CPVL: variants seen among roughly 807,000 people sequenced by gnomAD.
The protein encoded by CPVL is carboxypeptidase vitellogenic like, also known as probable serine carboxypeptidase CPVL.
In CPVL, 51 loss-of-function variants were observed where a neutral mutation model predicts 63.7. That is an observed-to-expected ratio of 0.80 (90% CI 0.64 to 1.01). The LOEUF is 1.01. CPVL is among the 50% of genes least tolerant of loss of function. The pLI is 0.00. For missense variants in CPVL, 530 were observed against 573.1 expected (o/e 0.92, Z 0.77); for synonymous variants, 195 against 206.0 (o/e 0.95, Z 0.46).
At chr7:29,089,098 C>T (rs1159930251) in intron 6 of CPVL, among the ~76,000 whole-genome samples, 2 of 152,194 alleles carry the variant, frequency 1.3e-5, no homozygotes, top group African/African-American at 4.8e-5. Context: ...GGCCACCTTG[C>T]TGGCATTGTG....
At chr7:29,071,272 G>T (rs1562753503) in intron 9 of CPVL, among the ~76,000 whole-genome samples, 1 of 152,200 alleles carries the variant, frequency 6.6e-6, no homozygotes, top group Non-Finnish European at 1.5e-5. Context: ...ATGGCCCTTT[G>T]TAAGAGTTTC....
At chr7:29,086,087 T>C (rs1018559358) in intron 7 of CPVL, among the ~76,000 whole-genome samples, 1 of 151,358 alleles carries the variant, frequency 6.6e-6, no homozygotes, top group African/African-American at 2.4e-5. Flanking sequence ...AGGTCAGGAG[T>C]TCAAGACCAG....
intron 12 of CPVL, among the ~76,000 whole-genome samples, chr7:29,006,778 A>G (rs1404373226): frequency 6.6e-6 from 1 of 152,224 alleles, no homozygotes; most frequent in Non-Finnish European, 1.5e-5. Flanking sequence ...AACAAGGTAC[A>G]TAGTTTTTAC....
At chr7:29,167,265 AC>A (rs1796038173) in intron 5 of CPVL, among the ~76,000 whole-genome samples, 1 of 152,236 alleles carries the variant, frequency 6.6e-6, no homozygotes, top group South Asian at 2.1e-4. Context: ...TTTGTCAAAT[AC>A]AATAATTCTA....
In CPVL at chr7:29,043,514, T is replaced by C. The variant is rs528904542; in HGVS notation, c.1138-12755A>G. Among the ~76,000 whole-genome samples the C allele has an allele frequency of 5.3e-5, 8 of 152,148 alleles. 1 individual carries two copies. Among genetic ancestry groups the C allele is most frequent in the Admixed American group, 5.2e-4 (8 of 15,282 alleles). Reference sequence around the variant, plus strand: ...AATGTGCAAATCACTGTAACAAATATGGGGACTGTCAGGAGGCTGAAGAAA... The same window carrying C: ...AATGTGCAAATCACTGTAACAAATACGGGGACTGTCAGGAGGCTGAAGAAA... On this transcript the variant is annotated intron_variant, in intron 11 of 12. Transcript: ENST00000265394.
At chr7:29,077,463 G>C (rs1254642092) in intron 7 of CPVL, among the ~76,000 whole-genome samples, 1 of 152,148 alleles carries the variant, frequency 6.6e-6, no homozygotes, top group Non-Finnish European at 1.5e-5. Flanking sequence ...ACAGGCCTTA[G>C]TTCCTACCCT....
chr7:28,997,303 G>A (rs1370484876), intron 12 of CPVL, among the ~76,000 whole-genome samples: 1 of 152,188 alleles, frequency 6.6e-6, no homozygotes, highest in East Asian at 1.9e-4. Flanking sequence ...TCTAGCTGCA[G>A]AATCACGATC....
upstream of CPVL, chr7:29,146,868 G>A: frequency 1.9e-6 from 3 of 1,551,172 alleles, no homozygotes; most frequent in South Asian, 1.2e-5. Context: ...GCAAGCCCAG[G>A]ATTTACATTT....
chr7:29,020,026 T>G (rs1786802853), intron 12 of CPVL, among the ~76,000 whole-genome samples: 1 of 152,164 alleles, frequency 6.6e-6, no homozygotes, highest in Non-Finnish European at 1.5e-5. Context: ...GCGGGTTGAG[T>G]GTGATATTTG....
rs4719967 is a variant in CPVL at position 29,176,915 on chromosome 7, A to T, written c.-11+4375T>A. Among the ~76,000 whole-genome samples the T allele has an allele frequency of 2.2e-3, 338 of 152,326 alleles. 7 individuals carry two copies. Among genetic ancestry groups the T allele is most frequent in the Admixed American group, 0.02 (312 of 15,300 alleles). ...AGGCTTCGTTAGCTTATATGTTAAA[A>T]TGCCTAGGTTAACTTCTAAATGAAT... On this transcript the variant is annotated intron_variant, in intron 5 of 16. Transcript: ENST00000409850.
At chr7:29,089,724 G>A (rs1311241268) in intron 6 of CPVL, among the ~76,000 whole-genome samples, 1 of 152,188 alleles carries the variant, frequency 6.6e-6, no homozygotes, top group Admixed American at 6.5e-5. Context: ...AATTAAAAGT[G>A]GGTTTAAATA....
chr7:29,066,394 G>C (rs940181566), intron 9 of CPVL, among the ~76,000 whole-genome samples: 3 of 152,188 alleles, frequency 2.0e-5, no homozygotes, highest in Non-Finnish European at 4.4e-5. Context: ...TCATATGGTA[G>C]ACAGTGATAA....
At chr7:29,144,359 G>A (rs540969955) in intron 1 of CPVL, among the ~76,000 whole-genome samples, 10 of 152,176 alleles carry the variant, frequency 6.6e-5, no homozygotes, top group East Asian at 5.8e-4. Flanking sequence ...TCAGGAGTTC[G>A]AGACCAGCCT....
At chr7:29,121,957 G>C (rs2192507) in intron 1 of CPVL, among the ~76,000 whole-genome samples, 12,003 of 152,162 alleles carry the variant, frequency 0.079, 961 homozygotes, top group African/African-American at 0.21. Flanking sequence ...CAAACCATTA[G>C]CACAAAGCTT....
intron 11 of CPVL, among the ~76,000 whole-genome samples, chr7:29,055,890 G>A (rs559852487): frequency 3.5e-4 from 54 of 152,210 alleles, no homozygotes; most frequent in African/African-American, 1.2e-3. Flanking sequence ...TATTTTAGTT[G>A]TATTTTCCTT....
intron 11 of CPVL, among the ~76,000 whole-genome samples, chr7:29,033,150 A>C (rs562641026): frequency 6.6e-6 from 1 of 152,238 alleles, no homozygotes; most frequent in Non-Finnish European, 1.5e-5. Context: ...GCAACAAAAA[A>C]GAAATCAGAA....
At chr7:29,108,649 G>GC (rs1376665360) in intron 3 of CPVL, among the ~76,000 whole-genome samples, 2 of 152,158 alleles carry the variant, frequency 1.3e-5, no homozygotes, top group Non-Finnish European at 1.5e-5. Context: ...AATGACAATA[G>GC]CAACTATAGT....
chr7:29,096,596 T>A (rs73302186), intron 3 of CPVL: 3,256 of 220,044 alleles, frequency 0.015, 127 homozygotes, highest in African/African-American at 0.074. Flanking sequence ...TTAACACACA[T>A]ATTCCCAACA....
chr7:29,129,470 C>T (rs1238493762), intron 1 of CPVL, among the ~76,000 whole-genome samples: 2 of 124,804 alleles, frequency 1.6e-5, no homozygotes, highest in African/African-American at 3.2e-5. Flanking sequence ...GTGGTTTTTG[C>T]CATTACTTTT....
Sources: gnomAD v4.1 joint callset for allele counts (sites outside exome capture counted in the v4.1 genomes callset) on GRCh38, gnomAD v4.1.1 for gene constraint, MANE v1.5 for transcripts, NCBI Gene and HGNC (gene_info 2026-07-23, HGNC 2026-07-21) for gene names.